Variants in TNKS observed in about 807,000 individuals in gnomAD.
The protein encoded by TNKS is poly [ADP-ribose] polymerase tankyrase-1.
Under a neutral mutation model 135.8 loss-of-function variants are expected in TNKS, and 72 were observed. The observed-to-expected ratio is 0.53, with a 90% confidence interval of 0.44 to 0.64. The LOEUF is 0.64. Among genes scored for constraint, TNKS ranks in the 30% least tolerant of loss-of-function variants. TNKS has a pLI of 0.00. For synonymous variants in TNKS, 849 were observed against 649.3 expected (o/e 1.31, Z -4.68); for missense variants, 1,769 against 1,674.0 (o/e 1.06, Z -0.99).
intron 5 of TNKS, among the ~76,000 whole-genome samples, chr8:9,697,969 C>G (rs909109173): frequency 6.6e-6 from 1 of 152,148 alleles, no homozygotes; most frequent in Non-Finnish European, 1.5e-5. Context: ...ATTGCCATGC[C>G]ATTCACAATA....
At chr8:9,742,065 C>G (rs956716298) in intron 17 of TNKS, among the ~76,000 whole-genome samples, 4 of 152,140 alleles carry the variant, frequency 2.6e-5, no homozygotes, top group Non-Finnish European at 5.9e-5. Flanking sequence ...TTCTCCAGGC[C>G]TTGTAAAGGG....
chr8:9,673,360 A>T (rs1483493559), intron 3 of TNKS, among the ~76,000 whole-genome samples: 1 of 152,036 alleles, frequency 6.6e-6, no homozygotes, highest in Non-Finnish European at 1.5e-5. Flanking sequence ...AAAATAATAT[A>T]TAAATTTTAT....
At chr8:9,712,374 G>T (rs1331008054) in intron 11 of TNKS, among the ~76,000 whole-genome samples, 1 of 151,914 alleles carries the variant, frequency 6.6e-6, no homozygotes, top group Non-Finnish European at 1.5e-5. Context: ...TAGCGACTCG[G>T]GAGGCTGAGG....
intron 3 of TNKS, among the ~76,000 whole-genome samples, chr8:9,634,080 C>CATATATAT (rs35243166): frequency 1.4e-5 from 2 of 142,190 alleles, no homozygotes; most frequent in South Asian, 2.2e-4. Context: ...CATTTAACTG[C>CATATATAT]ATATATATAT....
intron 2 of TNKS, among the ~76,000 whole-genome samples, chr8:9,583,437 C>T (rs1312862824): frequency 6.6e-6 from 1 of 152,136 alleles, no homozygotes; most frequent in Non-Finnish European, 1.5e-5. Context: ...CCCTACCCCT[C>T]AAATATAGTC....
chr8:9,676,233 G>A (rs180801134), intron 3 of TNKS, among the ~76,000 whole-genome samples: 4 of 151,818 alleles, frequency 2.6e-5, no homozygotes, highest in East Asian at 3.9e-4. Flanking sequence ...GGCTAGTCTC[G>A]AACTCCTGAC....
intron 23 of TNKS, 133 bp from the exon 24 acceptor site, chr8:9,765,559 T>G (rs1038880483): frequency 2.9e-6 from 2 of 682,988 alleles, no homozygotes; most frequent in Non-Finnish European, 4.9e-6. Flanking sequence ...ACTGACATGG[T>G]AGCTTTATCA....
rs540712022 is a variant in TNKS, at chr8:9,694,071, G to A, written c.1108-10592G>A. 5.3e-5 allele frequency among the ~76,000 whole-genome samples: 8 copies of A among 152,232 alleles called. 1 individual carries two copies. The South Asian group carries it at 1.5e-3, about 28-fold the overall frequency. On this transcript the variant is annotated intron_variant, in intron 5 of 26. Coordinates refer to ENST00000310430, the MANE Select transcript of TNKS (RefSeq NM_003747.3). ...TACACTGTATGTCACAGTTTAGAGG[G>A]CTCTCTGAGGACTTACAGCTTCACA...
At chr8:9,566,256 G>A (rs1278724862) in intron 1 of TNKS, 1 of 151,910 alleles carries the variant, frequency 6.6e-6, no homozygotes, top group African/African-American at 2.4e-5. Flanking sequence ...TTTCTTCTTT[G>A]CAGGAAAATA....
In TNKS at chr8:9,613,330, G is replaced by A. The variant is rs532911673; in HGVS notation, c.899-2252G>A. On this transcript the variant is annotated intron_variant, in intron 2 of 26. Coordinates refer to ENST00000310430, the MANE Select transcript of TNKS (RefSeq NM_003747.3). ...ATGGTGAGCTGATGGGGATTGTCATGCTCCCTGACCAGCACCTTTGCTTGT... is the reference window on the plus strand; with the variant it reads ...ATGGTGAGCTGATGGGGATTGTCATACTCCCTGACCAGCACCTTTGCTTGT... Among the ~76,000 whole-genome samples the A allele has an allele frequency of 3.9e-5, 6 of 152,260 alleles. No individual in the cohort carries two copies. In the South Asian group the frequency reaches 1.2e-3, roughly 32 times the overall value.
intron 3 of TNKS, among the ~76,000 whole-genome samples, chr8:9,621,943 A>C (rs898561989): frequency 3.3e-5 from 5 of 152,212 alleles, no homozygotes; most frequent in Non-Finnish European, 7.3e-5. Flanking sequence ...AAAGGAAGTT[A>C]AAAGGCGTTA....
intron 26 of TNKS, among the ~76,000 whole-genome samples, chr8:9,775,570 G>A (rs1808189896): frequency 6.9e-6 from 1 of 145,628 alleles, no homozygotes; most frequent in South Asian, 2.2e-4. Context: ...GCTTTTAGGA[G>A]GGAGTACTCT....
chr8:9,577,464 G>T (rs1797992162), intron 1 of TNKS, among the ~76,000 whole-genome samples: 1 of 152,160 alleles, frequency 6.6e-6, no homozygotes, highest in Non-Finnish European at 1.5e-5. Context: ...AGCATGGCTG[G>T]GGAGGCCCCA....
chr8:9,682,329 C>T (rs979953955), intron 5 of TNKS, among the ~76,000 whole-genome samples: 1 of 152,076 alleles, frequency 6.6e-6, no homozygotes, highest in Non-Finnish European at 1.5e-5. Context: ...CCTCGTTTTC[C>T]CTTCCTTACC....
intron 2 of TNKS, among the ~76,000 whole-genome samples, chr8:9,594,030 G>T (rs1039935628): frequency 4.6e-5 from 7 of 152,230 alleles, no homozygotes; most frequent in Admixed American, 1.3e-4. Context: ...GGGACTGTAG[G>T]AACCCGCCAC....
chr8:9,700,120 C>T (rs893789612), intron 5 of TNKS, among the ~76,000 whole-genome samples: 3 of 152,118 alleles, frequency 2.0e-5, no homozygotes, highest in Non-Finnish European at 4.4e-5. Context: ...GACCAGCATC[C>T]TCCAGCCTTC....
intron 3 of TNKS, among the ~76,000 whole-genome samples, chr8:9,643,744 A>T (rs567146052): frequency 1.3e-5 from 2 of 152,302 alleles, no homozygotes; most frequent in East Asian, 3.9e-4. Flanking sequence ...TAGAATTCCC[A>T]TATGACCCGG....
At chr8:9,591,571 G>A (rs755435626) in intron 2 of TNKS, among the ~76,000 whole-genome samples, 3 of 152,178 alleles carry the variant, frequency 2.0e-5, no homozygotes, top group Non-Finnish European at 4.4e-5. Context: ...TTTTTGTGAA[G>A]TGTGCATATC....
chr8:9,683,965 AAGC>A (rs1299237554), intron 5 of TNKS, among the ~76,000 whole-genome samples: 4 of 151,916 alleles, frequency 2.6e-5, no homozygotes, highest in Admixed American at 6.6e-5. Context: ...TTTTCCCTAA[AAGC>A]AGAATTTTTT....
Sources: allele counts gnomAD v4.1 joint callset (sites outside exome capture counted in the v4.1 genomes callset), GRCh38; gene constraint gnomAD v4.1.1; transcripts MANE v1.5; gene names NCBI Gene and HGNC (gene_info 2026-07-23, HGNC 2026-07-21).